PDE1C: variants seen among roughly 807,000 people sequenced by gnomAD.
PDE1C encodes phosphodiesterase 1C, also known as dual specificity calcium/calmodulin-dependent 3',5'-cyclic nucleotide phosphodiesterase 1C.
PDE1C carries 62 observed loss-of-function variants against 93.1 expected under a neutral mutation model. The observed-to-expected ratio is 0.67, with a 90% CI of 0.54 to 0.82. The LOEUF is 0.82. Ranked by LOEUF, PDE1C falls within the 40% of genes least tolerant of loss-of-function variation. PDE1C has a pLI of 0.00. For missense variants in PDE1C, 742 were observed against 884.6 expected (o/e 0.84, Z 2.04); for synonymous variants, 325 against 310.1 (o/e 1.05, Z -0.50).
At chr7:32,293,136 G>T (rs542263362) in intron 1 of PDE1C, among the ~76,000 whole-genome samples, 1 of 152,194 alleles carries the variant, frequency 6.6e-6, no homozygotes, top group South Asian at 2.1e-4. Context: ...CACCCACAGG[G>T]TGACAGCCAG....
rs1291986849 is a variant in PDE1C at position 32,247,544 on chromosome 7, A to G, written c.86-38005T>C. Among the ~76,000 whole-genome samples, 2 of 152,230 alleles carry G rather than the reference A, an allele frequency of 1.3e-5. 1 individual carries two copies. The highest frequency in any genetic ancestry group is 2.9e-5 in the Non-Finnish European group (2 of 68,036). ...ACATGGTGAGTAGAGACAGTCCCCA[A>G]CTTATAATGGCTCAACTTACAATTG... On this transcript the variant is annotated intron_variant, in intron 1 of 18. Transcript: ENST00000396193.
At chr7:31,776,203 T>C (rs182019912) in intron 16 of PDE1C, among the ~76,000 whole-genome samples, 12 of 152,310 alleles carry the variant, frequency 7.9e-5, no homozygotes, top group African/African-American at 2.6e-4. Context: ...TTTGTCCTTA[T>C]AGGCTTTACT....
At chr7:32,144,448 C>T (rs1800710717) in intron 3 of PDE1C, among the ~76,000 whole-genome samples, 1 of 152,204 alleles carries the variant, frequency 6.6e-6, no homozygotes, top group Non-Finnish European at 1.5e-5. Context: ...ACCTGCCCAT[C>T]TCCAGGCAAT....
chr7:32,420,494 C>T (rs1371325875), intron 1 of PDE1C, among the ~76,000 whole-genome samples: 1 of 147,930 alleles, frequency 6.8e-6, no homozygotes, highest in Non-Finnish European at 1.5e-5. Flanking sequence ...GTGGAGGTTG[C>T]AGTCAACCGA....
At chr7:31,846,309 C>T (rs959762103) in intron 9 of PDE1C, among the ~76,000 whole-genome samples, 1 of 148,760 alleles carries the variant, frequency 6.7e-6, no homozygotes, top group Admixed American at 6.7e-5. Flanking sequence ...AGAACAGAGG[C>T]CTCAGAAATA....
intron 17 of PDE1C, among the ~76,000 whole-genome samples, chr7:31,754,179 C>T (rs933084375): frequency 6.6e-5 from 10 of 152,126 alleles, no homozygotes; most frequent in Non-Finnish European, 1.3e-4. Flanking sequence ...CAAATTAAAA[C>T]AACTATATGC....
At chr7:31,682,074 C>A in the PDE1C span, among the ~76,000 whole-genome samples, 1 of 152,174 alleles carries the variant, frequency 6.6e-6, no homozygotes, top group Non-Finnish European at 1.5e-5. Context: ...TAGCTGTCTA[C>A]TTGACCTCCC....
chr7:31,820,471 C>T (rs1479842566), intron 14 of PDE1C: 1 of 152,040 alleles, frequency 6.6e-6, no homozygotes, highest in Admixed American at 6.6e-5. Context: ...TGATTTTTAA[C>T]TCTAAGGGCT....
At chr7:32,173,158 A>G (rs1327762773) in intron 2 of PDE1C, among the ~76,000 whole-genome samples, 2 of 152,204 alleles carry the variant, frequency 1.3e-5, no homozygotes, top group African/African-American at 4.8e-5. Flanking sequence ...GCATATATAC[A>G]CCATGGAATA....
the PDE1C span, among the ~76,000 whole-genome samples, chr7:31,734,297 AG>A: frequency 3.3e-5 from 5 of 152,172 alleles, no homozygotes; most frequent in Non-Finnish European, 7.3e-5. Flanking sequence ...AAGCGGCTCT[AG>A]GGCCCCCCTC....
chr7:31,709,150 T>A, the PDE1C span, among the ~76,000 whole-genome samples: 5 of 152,204 alleles, frequency 3.3e-5, no homozygotes, highest in African/African-American at 4.8e-5. Context: ...TGTAGCCATG[T>A]CTGCAGAGAT....
the PDE1C span, chr7:31,652,502 CTT>C: frequency 2.3e-5 from 36 of 1,571,272 alleles, no homozygotes; most frequent in Middle Eastern, 3.6e-4. Flanking sequence ...TCTTTTTCCT[CTT>C]GTTTTCCTTT....
chr7:31,939,067 C>T (rs183146303), intron 2 of PDE1C, among the ~76,000 whole-genome samples: 2 of 152,226 alleles, frequency 1.3e-5, no homozygotes, highest in African/African-American at 4.8e-5. Context: ...AAAGCTCAAG[C>T]GCTGGCAAAA....
intron 2 of PDE1C, among the ~76,000 whole-genome samples, chr7:32,021,585 C>T (rs754671205): frequency 5.3e-5 from 8 of 152,150 alleles, no homozygotes; most frequent in South Asian, 2.1e-4. Context: ...GTTCCACTTG[C>T]CTTTTAAAAT....
intron 2 of PDE1C, among the ~76,000 whole-genome samples, chr7:32,007,138 T>G (rs528121360): frequency 6.6e-6 from 1 of 152,350 alleles, no homozygotes; most frequent in East Asian, 1.9e-4. Flanking sequence ...TTTATCAAAT[T>G]AGTTTAACTA....
chr7:31,941,215 A>G (rs17160720), intron 2 of PDE1C: 25,179 of 153,258 alleles, frequency 0.16, 3,608 homozygotes, highest in African/African-American at 0.4. Flanking sequence ...AACACCAAAG[A>G]CAATAATGGT....
chr7:31,647,673 C>CAAAAAAAAAAAAAA, the PDE1C span, among the ~76,000 whole-genome samples: 1 of 69,340 alleles, frequency 1.4e-5, no homozygotes, highest in Non-Finnish European at 2.8e-5. Context: ...GTCTCCGTCT[C>CAAAAAAAAAAAAAA]AAAAAAAAAA....
the PDE1C span, among the ~76,000 whole-genome samples, chr7:31,630,910 T>A: frequency 6.6e-6 from 1 of 151,916 alleles, no homozygotes; most frequent in Admixed American, 6.6e-5. Flanking sequence ...CATACAAAAA[T>A]GTATGAAATA....
At chr7:31,995,722 G>A (rs901143789) in intron 2 of PDE1C, among the ~76,000 whole-genome samples, 3 of 152,088 alleles carry the variant, frequency 2.0e-5, no homozygotes, top group Admixed American at 2.0e-4. Flanking sequence ...GCTACACAGA[G>A]TGAATGCTGC....
Sources: gnomAD v4.1 joint callset for allele counts (sites outside exome capture counted in the v4.1 genomes callset) on GRCh38, gnomAD v4.1.1 for gene constraint, MANE v1.5 for transcripts, NCBI Gene and HGNC (gene_info 2026-07-23, HGNC 2026-07-21) for gene names.